Variants in TSPAN5 observed in about 807,000 individuals in gnomAD.
The protein encoded by TSPAN5 is tetraspanin 5, also known as tetraspanin-5.
Under a neutral mutation model 37.1 loss-of-function variants are expected in TSPAN5, and 10 were observed. The ratio of observed to expected loss-of-function variants is 0.27; its 90% CI spans 0.17 to 0.46. The LOEUF (loss-of-function observed/expected upper bound fraction) is 0.46. Ranked by LOEUF, TSPAN5 falls within the 20% of genes least tolerant of loss-of-function variation. The pLI is 1.00. For missense variants in TSPAN5, 195 were observed against 326.6 expected (o/e 0.60, Z 3.11); for synonymous variants, 110 against 118.9 (o/e 0.93, Z 0.48).
intron 2 of TSPAN5, among the ~76,000 whole-genome samples, chr4:98,487,817 C>T (rs1753006586): frequency 1.3e-5 from 2 of 151,982 alleles, no homozygotes. Flanking sequence ...TTCACTTTTC[C>T]ACAAAAAATG....
At chr4:98,520,414 T>C (rs1227647415) in intron 1 of TSPAN5, among the ~76,000 whole-genome samples, 1 of 151,512 alleles carries the variant, frequency 6.6e-6, no homozygotes, top group Non-Finnish European at 1.5e-5. Flanking sequence ...GTAAGATGAG[T>C]TGGGAGGCAC....
intron 1 of TSPAN5, among the ~76,000 whole-genome samples, chr4:98,544,717 G>A (rs1049641552): frequency 3.0e-4 from 46 of 152,140 alleles, no homozygotes; most frequent in African/African-American, 1.1e-3. Context: ...ATACAAAGAC[G>A]GGGTGGCTAA....
intron 1 of TSPAN5, among the ~76,000 whole-genome samples, chr4:98,618,009 G>C (rs1349249667): frequency 6.6e-6 from 1 of 152,194 alleles, no homozygotes; most frequent in Non-Finnish European, 1.5e-5. Context: ...TTGGTCTTCT[G>C]AACAGAAGGT....
At chr4:98,587,329 C>T (rs1755514162) in intron 1 of TSPAN5, among the ~76,000 whole-genome samples, 1 of 152,174 alleles carries the variant, frequency 6.6e-6, no homozygotes, top group Non-Finnish European at 1.5e-5. Flanking sequence ...ATCCAGACAC[C>T]ATGATTTCTA....
Position 98,483,769 on chromosome 4 carries a change from C to T in TSPAN5, c.280-1594G>A, listed in dbSNP as rs571804688. The T allele has an allele frequency of 2.8e-4, 43 of 152,298 alleles. 1 individual carries two copies. Among genetic ancestry groups the T allele is most frequent in the East Asian group, 1.9e-4 (1 of 5,182 alleles). The allele number at this position is 152,298 out of a possible 1,614,324, so 9.4% of individuals were successfully genotyped here. A position where few individuals can be genotyped will look rare whatever the true frequency, so the allele number is the denominator to read the frequency against. ...CCTGATTATATATCCTTCAGGAATT[C>T]GCCAGAAATGGAATTTAAACAGTTC... On this transcript the variant is annotated intron_variant, in intron 3 of 7. Coordinates refer to ENST00000305798, the MANE Select transcript of TSPAN5 (RefSeq NM_005723.4).
intron 1 of TSPAN5, among the ~76,000 whole-genome samples, chr4:98,586,321 G>A (rs577176271): frequency 4.2e-4 from 64 of 151,816 alleles, no homozygotes; most frequent in Middle Eastern, 3.4e-3. Flanking sequence ...TTCTACTAAC[G>A]ACTGAAGACA....
chr4:98,567,536 A>C (rs1755031989), intron 1 of TSPAN5, among the ~76,000 whole-genome samples: 1 of 152,228 alleles, frequency 6.6e-6, no homozygotes, highest in South Asian at 2.1e-4. Flanking sequence ...GGATCCAGCT[A>C]TCATTATTAT....
At chr4:98,604,828 G>A (rs1406501867) in intron 1 of TSPAN5, among the ~76,000 whole-genome samples, 1 of 152,166 alleles carries the variant, frequency 6.6e-6, no homozygotes, top group Non-Finnish European at 1.5e-5. Context: ...ACCCTAAAGA[G>A]CAGGTCTCAT....
chr4:98,631,847 A>T (rs1266085217), intron 1 of TSPAN5, among the ~76,000 whole-genome samples: 2 of 152,108 alleles, frequency 1.3e-5, no homozygotes, highest in Non-Finnish European at 2.9e-5. Flanking sequence ...GTCTCTGGGG[A>T]CTCGGCCATA....
At chr4:98,606,697 G>A (rs1756047214) in intron 1 of TSPAN5, among the ~76,000 whole-genome samples, 1 of 152,226 alleles carries the variant, frequency 6.6e-6, no homozygotes, top group African/African-American at 2.4e-5. Flanking sequence ...GAAAGGCAAT[G>A]AGGAATTAAA....
At chr4:98,559,906 T>A in intron 1 of TSPAN5, among the ~76,000 whole-genome samples, 1 of 152,194 alleles carries the variant, frequency 6.6e-6, no homozygotes, top group East Asian at 1.9e-4. Flanking sequence ...TATTGAGCTG[T>A]TTTTGTGTTT....
At chr4:98,519,597 C>T (rs978492621) in intron 1 of TSPAN5, among the ~76,000 whole-genome samples, 4 of 152,166 alleles carry the variant, frequency 2.6e-5, no homozygotes, top group Non-Finnish European at 5.9e-5. Flanking sequence ...TCTAAGAAAA[C>T]GTCCCAGTTT....
chr4:98,495,531 CAAAA>C (rs10555303), intron 2 of TSPAN5, among the ~76,000 whole-genome samples: 45,123 of 130,794 alleles, frequency 0.34, 7,416 homozygotes, highest in Admixed American at 0.44. Flanking sequence ...GCCTCCGTCT[CAAAA>C]AAAAAAAAAA....
intron 1 of TSPAN5, among the ~76,000 whole-genome samples, chr4:98,545,738 C>T (rs1754454200): frequency 1.3e-5 from 2 of 152,128 alleles, no homozygotes; most frequent in South Asian, 4.1e-4. Flanking sequence ...CACCATGTTG[C>T]CTAGGCTGGT....
intron 1 of TSPAN5, among the ~76,000 whole-genome samples, chr4:98,543,385 A>G (rs1212692305): frequency 2.6e-5 from 4 of 151,516 alleles, no homozygotes; most frequent in Non-Finnish European, 5.9e-5. Flanking sequence ...ACACCCATCC[A>G]TAAATACATA....
At chr4:98,623,229 C>T (rs1379283395) in intron 1 of TSPAN5, among the ~76,000 whole-genome samples, 1 of 152,150 alleles carries the variant, frequency 6.6e-6, no homozygotes, top group African/African-American at 2.4e-5. Context: ...TTAAAATAGA[C>T]CTCCCCCAAG....
At chr4:98,553,100 T>G (rs1255837380) in intron 1 of TSPAN5, among the ~76,000 whole-genome samples, 1 of 152,244 alleles carries the variant, frequency 6.6e-6, no homozygotes, top group Admixed American at 6.5e-5. Flanking sequence ...TTTCAAAATT[T>G]TATATGTATT....
At chr4:98,592,988 T>C (rs1290982870) in intron 1 of TSPAN5, among the ~76,000 whole-genome samples, 1 of 96,500 alleles carries the variant, frequency 1.0e-5, no homozygotes, top group Non-Finnish European at 2.1e-5. Flanking sequence ...GTATTTCTAG[T>C]TCTAGATCCC....
intron 1 of TSPAN5, among the ~76,000 whole-genome samples, chr4:98,515,928 T>G (rs1753718683): frequency 6.6e-6 from 1 of 152,232 alleles, no homozygotes; most frequent in South Asian, 2.1e-4. Flanking sequence ...TAATTTTGAT[T>G]AATTTAATTT....
Sources: gnomAD v4.1 joint callset for allele counts (sites outside exome capture counted in the v4.1 genomes callset) on GRCh38, gnomAD v4.1.1 for gene constraint, MANE v1.5 for transcripts, NCBI Gene and HGNC (gene_info 2026-07-23, HGNC 2026-07-21) for gene names.